The following ARFIP1 variants were observed in gnomAD, a reference collection of about 807,000 sequenced individuals.
ARFIP1 encodes arfaptin-1.
Under a neutral mutation model 42.5 loss-of-function variants are expected in ARFIP1, and 24 were observed. That is an observed-to-expected ratio of 0.57 (90% CI 0.41 to 0.80). The LOEUF is 0.80. ARFIP1 is among the 30% of genes least tolerant of loss of function. The pLI, the probability that ARFIP1 is intolerant of heterozygous loss-of-function variation, is 0.00. For missense variants in ARFIP1, 354 were observed against 434.0 expected, an observed-to-expected ratio of 0.82 and a Z score of 1.64; for synonymous variants, 141 against 153.7, an observed-to-expected ratio of 0.92 and a Z score of 0.61.
At chr4:152,866,886 A>T (rs1050617841) in intron 3 of ARFIP1, among the ~76,000 whole-genome samples, 8 of 149,838 alleles carry the variant, frequency 5.3e-5, no homozygotes, top group African/African-American at 1.7e-4. Flanking sequence ...CACTCCCCAC[A>T]TCTCAGATGA....
intron 1 of ARFIP1, among the ~76,000 whole-genome samples, chr4:152,807,887 A>G (rs78592878): frequency 0.011 from 1,704 of 152,214 alleles, 42 homozygotes; most frequent in African/African-American, 0.038. Context: ...TGCCTATATC[A>G]TCAACACTTA....
chr4:152,793,581 TG>T (rs1279562571), intron 1 of ARFIP1, among the ~76,000 whole-genome samples: 1 of 152,080 alleles, frequency 6.6e-6, no homozygotes, highest in Admixed American at 6.6e-5. Flanking sequence ...AAGTTTAATT[TG>T]TAAATTAGAC....
At chr4:152,841,006 C>A (rs977656417) in intron 2 of ARFIP1, among the ~76,000 whole-genome samples, 1 of 151,760 alleles carries the variant, frequency 6.6e-6, no homozygotes, top group Non-Finnish European at 1.5e-5. Flanking sequence ...AGTCGTGAGC[C>A]ACTGCACCCA....
intron 1 of ARFIP1, among the ~76,000 whole-genome samples, chr4:152,828,350 G>T (rs1731001207): frequency 6.6e-6 from 1 of 152,200 alleles, no homozygotes; most frequent in African/African-American, 2.4e-5. Context: ...AGTTCCTGTT[G>T]CTTCACATCC....
intron 2 of ARFIP1, among the ~76,000 whole-genome samples, chr4:152,839,397 A>C (rs933292913): frequency 2.6e-5 from 4 of 151,944 alleles, no homozygotes; most frequent in African/African-American, 9.7e-5. Context: ...TCTGCTGTGA[A>C]TCTCTCTGGT....
chr4:152,796,859 A>C (rs1731500699), intron 1 of ARFIP1: 1 of 512,992 alleles, frequency 1.9e-6, no homozygotes, highest in African/African-American at 2.0e-5. Context: ...AGCACCCAGA[A>C]GCAGCCCTTG....
Position 152,884,526 on chromosome 4 carries a change from G to A in ARFIP1, c.791+1646G>A, listed in dbSNP as rs78079873. On this transcript the variant is annotated intron_variant, in intron 7 of 8. Coordinates refer to ENST00000353617, the MANE Select transcript of ARFIP1 (RefSeq NM_001025595.3). ...TTTAACATGTATGGGTTTTAAAGAT[G>A]GATATTGTTTTCTTCCAAAAATACC... 5.6e-3 allele frequency among the ~76,000 whole-genome samples: 851 copies of A among 151,820 alleles called. 22 individuals carry two copies. The highest frequency in any genetic ancestry group is 0.024 in the East Asian group (125 of 5,172).
At chr4:152,846,920 C>G (rs952444492) in intron 2 of ARFIP1, among the ~76,000 whole-genome samples, 1 of 10,118 alleles carries the variant, frequency 9.9e-5, no homozygotes, top group South Asian at 0.022. Context: ...AATGAAATTA[C>G]AATTTTTTTT....
chr4:152,888,391 C>T, intron 8 of ARFIP1, 84 bp downstream of exon 8: 3 of 979,092 alleles, frequency 3.1e-6, no homozygotes, highest in South Asian at 3.8e-5. Context: ...TTTCTGTTAA[C>T]TCTCTTGTAT....
chr4:152,788,714 A>G (rs543524691), intron 1 of ARFIP1, among the ~76,000 whole-genome samples: 108 of 152,132 alleles, frequency 7.1e-4, no homozygotes, highest in African/African-American at 2.5e-3. Flanking sequence ...CTACATTAGC[A>G]TAGTACATTT....
chr4:152,805,321 T>C (rs1233548546), intron 1 of ARFIP1, among the ~76,000 whole-genome samples: 1 of 152,200 alleles, frequency 6.6e-6, no homozygotes, highest in African/African-American at 2.4e-5. Flanking sequence ...ACCAAGAGGC[T>C]ATGAGGTAGT....
At chr4:152,847,997 CT>C (rs1430382088) in intron 2 of ARFIP1, among the ~76,000 whole-genome samples, 3 of 152,196 alleles carry the variant, frequency 2.0e-5, no homozygotes, top group Admixed American at 6.5e-5. Flanking sequence ...TTAGGACCCC[CT>C]GAACCCTGCA....
intron 2 of ARFIP1, among the ~76,000 whole-genome samples, chr4:152,841,049 T>A (rs1322404699): frequency 6.6e-6 from 1 of 151,342 alleles, no homozygotes; most frequent in African/African-American, 2.4e-5. Flanking sequence ...CTTTTTTTTT[T>A]AAGATGGAGT....
intron 1 of ARFIP1, among the ~76,000 whole-genome samples, chr4:152,788,007 C>G (rs181040954): frequency 6.6e-4 from 101 of 152,304 alleles, no homozygotes; most frequent in African/African-American, 2.3e-3. Context: ...GGGTGGATCA[C>G]TTGAGGTTGG....
chr4:152,824,992 CAT>C (rs929417428), intron 1 of ARFIP1, among the ~76,000 whole-genome samples: 43 of 151,378 alleles, frequency 2.8e-4, no homozygotes, highest in Admixed American at 2.2e-3. Flanking sequence ...CACACACACA[CAT>C]ACATATACAC....
intron 4 of ARFIP1, among the ~76,000 whole-genome samples, chr4:152,872,180 G>A (rs1240891774): frequency 6.6e-6 from 1 of 152,056 alleles, no homozygotes; most frequent in African/African-American, 2.4e-5. Flanking sequence ...AGAAAATAAG[G>A]CTGATTGCAG....
chr4:152,910,337 C>A lies in ARFIP1; in HGVS notation c.*118C>A. 1.7e-6 allele frequency: 2 copies of A among 1,192,440 alleles called. No individual in the cohort carries two copies. Among genetic ancestry groups the A allele is most frequent in the Non-Finnish European group, 2.3e-6 (2 of 871,524 alleles). 73.9% of individuals were successfully genotyped at this position (1,192,440 alleles called of 1,614,324 possible). A position where few individuals can be genotyped will look rare whatever the true frequency, so the allele number is the denominator to read the frequency against. On this transcript the variant is annotated 3_prime_UTR_variant, in exon 9 of 9. Coordinates refer to ENST00000353617, the MANE Select transcript of ARFIP1 (RefSeq NM_001025595.3). ...GACAAGCATTATAGTGATTCTTGCA[C>A]AAACAGCTTTAATTTTTCCCTTTTT...
chr4:152,826,931 A>G (rs1156561006), intron 1 of ARFIP1, among the ~76,000 whole-genome samples: 1 of 152,232 alleles, frequency 6.6e-6, no homozygotes, highest in Non-Finnish European at 1.5e-5. Context: ...GCCAATCACG[A>G]AAAGATAAAT....
chr4:152,849,693 G>C (rs1290514627), intron 2 of ARFIP1, among the ~76,000 whole-genome samples: 2 of 152,026 alleles, frequency 1.3e-5, no homozygotes, highest in African/African-American at 4.8e-5. Context: ...GTGTATGGTG[G>C]TAAATGGAAA....
Sources: allele counts gnomAD v4.1 joint callset (sites outside exome capture counted in the v4.1 genomes callset), GRCh38; gene constraint gnomAD v4.1.1; transcripts MANE v1.5; gene names NCBI Gene and HGNC (gene_info 2026-07-23, HGNC 2026-07-21).